The following SLC35E1 variants were observed in gnomAD, a reference collection of about 807,000 sequenced individuals.
SLC35E1 encodes solute carrier family 35 member E1.
In SLC35E1, 12 loss-of-function variants were observed where a neutral mutation model predicts 31.0. The observed-to-expected ratio is 0.39, with a 90% confidence interval of 0.25 to 0.63. The LOEUF (loss-of-function observed/expected upper bound fraction) is 0.63. Ranked by LOEUF, SLC35E1 falls within the 20% of genes least tolerant of loss-of-function variation. The probability of loss-of-function intolerance (pLI) is 0.52; values close to 1 mark genes in which losing one functional copy is unlikely to be tolerated. For synonymous variants in SLC35E1, 257 were observed against 264.1 expected (o/e 0.97, Z 0.26); for missense variants, 429 against 572.2 (o/e 0.75, Z 2.55).
chr19:16,562,447 C>T (rs1259646276), intron 4 of SLC35E1, among the ~76,000 whole-genome samples: 1 of 152,204 alleles, frequency 6.6e-6, no homozygotes, highest in South Asian at 2.1e-4. Flanking sequence ...ATGCCAAAAT[C>T]TACAGATATT....
intron 4 of SLC35E1, chr19:16,566,216 A>C (rs1599321314): frequency 4.7e-6 from 1 of 213,756 alleles, no homozygotes; most frequent in East Asian, 1.1e-4. Flanking sequence ...AAAAATAAAA[A>C]GTCAATGTGC....
At chr19:16,565,088 G>C (rs955949392) in intron 4 of SLC35E1, 4 of 455,842 alleles carry the variant, frequency 8.8e-6, no homozygotes, top group African/African-American at 8.0e-5. Context: ...CCTCCTCACC[G>C]CAGGCACTTG....
chr19:16,560,866 A>C lies in SLC35E1; in HGVS notation c.757-5469T>G, dbSNP rs1168103499. 5.3e-5 allele frequency among the ~76,000 whole-genome samples: 7 copies of C among 133,170 alleles called. No individual in the cohort carries two copies. In the East Asian group the frequency reaches 1.0e-3, roughly 19 times the overall value. 87.4% of individuals were successfully genotyped at this position (133,170 alleles called of 152,430 possible). A position where few individuals can be genotyped will look rare whatever the true frequency, so the allele number is the denominator to read the frequency against. On this transcript the variant is annotated intron_variant, in intron 4 of 5. Coordinates refer to ENST00000595753, the MANE Select transcript of SLC35E1 (RefSeq NM_024881.5). Reference sequence around the variant, plus strand: ...GACAGAGTGAGACTCCATCTCAAAAACAAAAAAAAAAAACCAAAAAAAAAA... The same window carrying C: ...GACAGAGTGAGACTCCATCTCAAAACCAAAAAAAAAAAACCAAAAAAAAAA...
At chr19:16,571,832 G>T in intron 1 of SLC35E1, 112 bp downstream of exon 1, 1 of 1,203,568 alleles carries the variant, frequency 8.3e-7, no homozygotes, top group Non-Finnish European at 1.1e-6. Context: ...CAGCCCCTCT[G>T]CTGACTTCTC....
rs1343125926 is a variant in SLC35E1 at position 16,551,530 on chromosome 19, T to G, written c.*2149A>C. On this transcript the variant is annotated 3_prime_UTR_variant, in exon 6 of 6. Transcript: ENST00000595753. Reference sequence around the variant, plus strand: ...AAAAGGTAAATCTCTCATTTGCTGCTCTCTTCCCCTAAGTGCCAGCAAGAA... The same window carrying G: ...AAAAGGTAAATCTCTCATTTGCTGCGCTCTTCCCCTAAGTGCCAGCAAGAA... 6.6e-6 allele frequency: 1 copy of G among 152,096 alleles called. No individual in the cohort carries two copies. The highest frequency in any genetic ancestry group is 1.9e-4 in the East Asian group (1 of 5,186). The allele number at this position is 152,096 out of a possible 1,614,324, so 9.4% of individuals were successfully genotyped here.
rs1474150512 is a variant in SLC35E1 at position 16,568,182 on chromosome 19, GTCA to G, written c.493-16_493-14del. On this transcript the variant is annotated splice_polypyrimidine_tract_variant and intron_variant, in intron 2 of 5. Transcript: ENST00000595753. ...GTGACAAGTATACCTGCAGGAAGAGGTCATCAAGAAGGGCTCACAGGCCAGACT... is the reference window on the plus strand; with the variant it reads ...GTGACAAGTATACCTGCAGGAAGAGGTCAAGAAGGGCTCACAGGCCAGACT... 6.2e-6 allele frequency: 10 copies of G among 1,601,442 alleles called. No homozygotes were observed. The highest frequency in any genetic ancestry group is 8.5e-6 in the Non-Finnish European group (10 of 1,174,172).
At chr19:16,568,616 T>G (rs1416151495) in intron 2 of SLC35E1, among the ~76,000 whole-genome samples, 2 of 152,166 alleles carry the variant, frequency 1.3e-5, no homozygotes, top group Admixed American at 6.5e-5. Flanking sequence ...CTGCAACCTC[T>G]GCTTCCCGGG....
intron 1 of SLC35E1, 34 bp from the exon 2 acceptor site, chr19:16,571,616 C>T: frequency 6.2e-7 from 1 of 1,611,464 alleles, no homozygotes; most frequent in Non-Finnish European, 8.5e-7. Context: ...CAGGGGGCTG[C>T]CTGAATTTCA....
At chr19:16,571,774 C>T (rs991837047) in intron 1 of SLC35E1, among the ~76,000 whole-genome samples, 170 bp downstream of exon 1, 2 of 152,218 alleles carry the variant, frequency 1.3e-5, no homozygotes, top group Non-Finnish European at 2.9e-5. Flanking sequence ...CTCAGCTCCT[C>T]TTCTCCCTGA....
intron 3 of SLC35E1, 33 bp from the exon 4 acceptor site, chr19:16,566,690 A>G (rs1599321555): frequency 6.2e-7 from 1 of 1,600,238 alleles, no homozygotes; most frequent in Middle Eastern, 2.3e-4. Context: ...GAGGGTGATT[A>G]AAACTATATG....
chr19:16,561,088 C>T (rs1241531316), intron 4 of SLC35E1, among the ~76,000 whole-genome samples: 1 of 149,652 alleles, frequency 6.7e-6, no homozygotes, highest in Non-Finnish European at 1.5e-5. Flanking sequence ...ATGGCATGTG[C>T]CTGTAATCCC....
Position 16,553,537 on chromosome 19 carries a change from C to G in SLC35E1, c.*142G>C, listed in dbSNP as rs901959857. On this transcript the variant is annotated 3_prime_UTR_variant, in exon 6 of 6. Coordinates refer to ENST00000595753, the MANE Select transcript of SLC35E1 (RefSeq NM_024881.5). Reference sequence around the variant, plus strand: ...GCATCCTCCTGCGGCTCACGGGGGGCCAGGAACCCCAGGGCTTCTGATGGA... The same window carrying G: ...GCATCCTCCTGCGGCTCACGGGGGGGCAGGAACCCCAGGGCTTCTGATGGA... 1.3e-6 allele frequency: 1 copy of G among 750,372 alleles called. No homozygotes were observed. The highest frequency in any genetic ancestry group is 2.0e-6 in the Non-Finnish European group (1 of 510,190). 46.5% of individuals were successfully genotyped at this position (750,372 alleles called of 1,614,324 possible). A position where few individuals can be genotyped will look rare whatever the true frequency, so the allele number is the denominator to read the frequency against.
chr19:16,553,876 G>A lies in SLC35E1; in HGVS notation c.1036C>T (p.His346Tyr). The change falls in exon 6 of 6, where the codon CAC becomes TAC. Residue 346 changes from histidine (H) to tyrosine (Y), a missense_variant. By Grantham distance (83) the His-to-Tyr change is moderately conservative. Coordinates refer to ENST00000595753, the MANE Select transcript of SLC35E1 (RefSeq NM_024881.5). ...TCTGCTGTGGTGACGGGGAGGAGGTGCTTCCTGGCTTGCTGGTTTGCATCG... is the reference window on the plus strand; with the variant it reads ...TCTGCTGTGGTGACGGGGAGGAGGTACTTCCTGGCTTGCTGGTTTGCATCG... Reference protein sequence around the residue: ...KYDANQQARKHLLPVTTADLS... With the variant: ...KYDANQQARKYLLPVTTADLS... 1.2e-6 allele frequency: 2 copies of A among 1,612,252 alleles called. No individual in the cohort carries two copies. Among genetic ancestry groups the A allele is most frequent in the African/African-American group, 2.7e-5 (2 of 74,982 alleles).
Position 16,569,617 on chromosome 19 carries a change from G to A in SLC35E1, c.493-1448C>T, listed in dbSNP as rs572681076. Among the ~76,000 whole-genome samples the A allele has an allele frequency of 1.7e-4, 26 of 152,256 alleles. 1 individual carries two copies. Among genetic ancestry groups the A allele is most frequent in the African/African-American group, 6.0e-4 (25 of 41,540 alleles). ...ACTCTTCACTTTGGGAGGCTGAGGA[G>A]GGCAGATCACTTGAAGTCAGGAGTT... On this transcript the variant is annotated intron_variant, in intron 2 of 5. Transcript: ENST00000595753.
At chr19:16,562,147 C>A (rs2085909738) in intron 4 of SLC35E1, among the ~76,000 whole-genome samples, 1 of 151,846 alleles carries the variant, frequency 6.6e-6, no homozygotes. Flanking sequence ...ACAATAACAA[C>A]ACAAAATGTC....
intron 2 of SLC35E1, among the ~76,000 whole-genome samples, chr19:16,569,719 G>C (rs1287386067): frequency 6.6e-6 from 1 of 152,286 alleles, no homozygotes; most frequent in East Asian, 1.9e-4. Flanking sequence ...GATGGAACGC[G>C]CCTGCAATCC....
Position 16,552,171 on chromosome 19 carries a change from A to G in SLC35E1, c.*1508T>C, listed in dbSNP as rs1202482550. ...AAACACAAAAACAGGTCAGGGAACC[A>G]AAACACTGTGGTCTTGTCTATTATA... On this transcript the variant is annotated 3_prime_UTR_variant, in exon 6 of 6. Transcript: ENST00000595753. 1 of 152,164 alleles carries G rather than the reference A, an allele frequency of 6.6e-6. No homozygotes were observed. Among genetic ancestry groups the G allele is most frequent in the Non-Finnish European group, 1.5e-5 (1 of 68,042 alleles). 9.4% of individuals were successfully genotyped at this position (152,164 alleles called of 1,614,324 possible).
intron 4 of SLC35E1, among the ~76,000 whole-genome samples, chr19:16,564,520 G>A (rs1269825585): frequency 6.6e-6 from 1 of 152,040 alleles, no homozygotes; most frequent in Admixed American, 6.6e-5. Context: ...TGGCCAGGCT[G>A]GTCTTGAACT....
At chr19:16,571,639 T>A in intron 1 of SLC35E1, 57 bp from the exon 2 acceptor site, 1 of 1,580,656 alleles carries the variant, frequency 6.3e-7, no homozygotes, top group African/African-American at 1.3e-5. Context: ...GCCCAACCTG[T>A]TCCACCTCCA....
Sources: allele counts gnomAD v4.1 joint callset (sites outside exome capture counted in the v4.1 genomes callset), GRCh38; gene constraint gnomAD v4.1.1; transcripts MANE v1.5; gene names NCBI Gene and HGNC (gene_info 2026-07-23, HGNC 2026-07-21).